Variants in RERE observed in about 807,000 individuals in gnomAD.
RERE encodes the protein arginine-glutamic acid dipeptide repeats protein.
Under a neutral mutation model 146.1 loss-of-function variants are expected in RERE, and 40 were observed. The ratio of observed to expected loss-of-function variants is 0.27; its 90% CI spans 0.21 to 0.36. The LOEUF is 0.36. RERE is among the 10% of genes least tolerant of loss of function. The probability of loss-of-function intolerance (pLI) is 1.00; values close to 1 mark genes in which losing one functional copy is unlikely to be tolerated. For synonymous variants in RERE, 1,003 were observed against 866.0 expected (o/e 1.16, Z -2.78); for missense variants, 1,933 against 2,138.7 (o/e 0.90, Z 1.90).
intron 4 of RERE, among the ~76,000 whole-genome samples, chr1:8,575,515 C>T (rs1466042414): frequency 6.9e-6 from 1 of 145,720 alleles, no homozygotes; most frequent in Non-Finnish European, 1.5e-5. Context: ...AGGCCTGTGC[C>T]ACCACACCTG....
At chr1:8,627,386 C>G (rs1646986997) in intron 2 of RERE, among the ~76,000 whole-genome samples, 1 of 151,998 alleles carries the variant, frequency 6.6e-6, no homozygotes, top group Non-Finnish European at 1.5e-5. Context: ...AGGTGGATCA[C>G]CTGAGGTCAG....
At chr1:8,525,998 C>T in intron 7 of RERE, 1 of 1,302,354 alleles carries the variant, frequency 7.7e-7, no homozygotes, top group South Asian at 2.2e-5. Context: ...GTGCTGTGAC[C>T]CTCCCTCATC....
intron 4 of RERE, among the ~76,000 whole-genome samples, chr1:8,608,374 T>C (rs1288798929): frequency 6.6e-6 from 1 of 152,070 alleles, no homozygotes; most frequent in Middle Eastern, 3.2e-3. Context: ...TTAGGTAGCA[T>C]ACACCTATAG....
Position 8,495,093 on chromosome 1 carries a change from C to A in RERE, c.1074G>T (p.Arg358=), listed in dbSNP as rs750108399. 6.8e-6 allele frequency: 11 copies of A among 1,613,678 alleles called. No individual in the cohort carries two copies. In the South Asian group the frequency reaches 1.1e-4, roughly 16 times the overall value. Residue 358 remains arginine, a synonymous_variant, in exon 10 of 23, where the codon CGG becomes CGT. Transcript: ENST00000400908. ...TCAGTGCATTCAGAGTGGTGTCATC[C>A]CGAGAGGCTGCGACACAGCCGTCCT... ...STEDGCVAAS[R]DDTTLNALNT... is the part of the protein sequence containing the mutation.
rs1320714042 is a variant in RERE, at chr1:8,358,553, C to T, written c.3982G>A (p.Glu1328Lys). Residue 1328 changes from glutamate (E) to lysine (K), a missense_variant, in exon 20 of 23, where the codon GAG (glutamate) becomes AAG (lysine). Transcript: ENST00000400908. ...GGGTCCAGCTCTGGGGGCTTCACCT[C>T]GAAGCCCGGCTTCATCCTCTCCCGC... ...ELRERMKPGF[E>K]VKPPELDPLH... is the part of the protein sequence containing the mutation. The T allele has an allele frequency of 3.7e-6, 6 of 1,604,246 alleles. No individual in the cohort carries two copies. The highest frequency in any genetic ancestry group is 1.1e-5 in the South Asian group (1 of 89,342).
intron 8 of RERE, among the ~76,000 whole-genome samples, chr1:8,503,493 G>A (rs1426255162): frequency 6.6e-6 from 1 of 151,984 alleles, no homozygotes; most frequent in Non-Finnish European, 1.5e-5. Flanking sequence ...TATTAATAGG[G>A]ATCAGATGAA....
At chr1:8,742,023 A>T (rs1443583998) in intron 1 of RERE, among the ~76,000 whole-genome samples, 1 of 152,220 alleles carries the variant, frequency 6.6e-6, no homozygotes, top group African/African-American at 2.4e-5. Flanking sequence ...ATTTCAGTAT[A>T]TTGTATGCAG....
intron 12 of RERE, among the ~76,000 whole-genome samples, chr1:8,379,975 C>T (rs957493948): frequency 6.6e-6 from 1 of 152,226 alleles, no homozygotes; most frequent in Non-Finnish European, 1.5e-5. Context: ...ATCCTGGCCG[C>T]TCCTGTTCTG....
At chr1:8,524,057 G>A (rs900340799) in intron 7 of RERE, among the ~76,000 whole-genome samples, 3 of 152,116 alleles carry the variant, frequency 2.0e-5, no homozygotes, top group African/African-American at 7.2e-5. Context: ...AGTTCCTCTC[G>A]TCTATTGAAG....
At chr1:8,720,423 G>A (rs986006836) in intron 1 of RERE, among the ~76,000 whole-genome samples, 3 of 152,008 alleles carry the variant, frequency 2.0e-5, no homozygotes, top group African/African-American at 7.2e-5. Flanking sequence ...ATATTCAAAG[G>A]CAGTAAGTGC....
At chr1:8,722,706 C>T (rs927187405) in intron 1 of RERE, among the ~76,000 whole-genome samples, 1 of 152,204 alleles carries the variant, frequency 6.6e-6, no homozygotes, top group African/African-American at 2.4e-5. Context: ...ATGGCCTTTA[C>T]ATTGCACTGA....
chr1:8,727,211 C>T (rs1639989568), intron 1 of RERE, among the ~76,000 whole-genome samples: 1 of 152,116 alleles, frequency 6.6e-6, no homozygotes, highest in Admixed American at 6.5e-5. Flanking sequence ...GGCGCGATCT[C>T]GGCTCACTAC....
intron 4 of RERE, among the ~76,000 whole-genome samples, chr1:8,572,593 A>G (rs140749605): frequency 6.6e-6 from 1 of 152,358 alleles, no homozygotes; most frequent in East Asian, 1.9e-4. Flanking sequence ...TCTGAGATAT[A>G]CTTTCCTCAA....
chr1:8,362,671 C>T lies in RERE; in HGVS notation c.1902+12G>A. The T allele has an allele frequency of 6.2e-7, 1 of 1,614,202 alleles. No individual in the cohort carries two copies. The highest frequency in any genetic ancestry group is 8.5e-7 in the Non-Finnish European group (1 of 1,180,032). ...GGACAGAGTAGGCCCTACTATCCCC[C>T]CAGCACCTGACCTTGGCCGACTTCT... On this transcript the variant is annotated intron_variant, in intron 16 of 22. Transcript: ENST00000400908.
At chr1:8,535,513 A>C (rs1645713094) in intron 7 of RERE, among the ~76,000 whole-genome samples, 1 of 152,264 alleles carries the variant, frequency 6.6e-6, no homozygotes, top group African/African-American at 2.4e-5. Flanking sequence ...CAAATGATTC[A>C]GTTAATAAAG....
chr1:8,798,588 G>T, intron 1 of RERE: 1 of 220,034 alleles, frequency 4.5e-6, no homozygotes. Context: ...ACCTCAGATC[G>T]CCCTTACAGC....
chr1:8,640,076 C>T lies in RERE; in HGVS notation c.326-15696G>A, dbSNP rs141726569. Among the ~76,000 whole-genome samples the T allele has an allele frequency of 3.5e-4, 53 of 152,096 alleles. 1 individual carries two copies. The highest frequency in any genetic ancestry group is 1.0e-3 in the South Asian group (5 of 4,820). On this transcript the variant is annotated intron_variant, in intron 2 of 22. Transcript: ENST00000400908. ...GCTGAAGTGGGGAGGACTGCTTGAG[C>T]CTGGGAGGTGGAGGGTACAGTGAGC...
At chr1:8,722,365 C>G (rs1480327339) in intron 1 of RERE, among the ~76,000 whole-genome samples, 2 of 152,198 alleles carry the variant, frequency 1.3e-5, no homozygotes, top group Non-Finnish European at 2.9e-5. Context: ...ACTATAATGA[C>G]AGCGATACTA....
chr1:8,433,513 A>T (rs1644123314), intron 11 of RERE, among the ~76,000 whole-genome samples: 1 of 151,244 alleles, frequency 6.6e-6, no homozygotes, highest in Admixed American at 6.6e-5. Context: ...TTACAACAGG[A>T]TCCCAAATCC....
Sources: allele counts gnomAD v4.1 joint callset (sites outside exome capture counted in the v4.1 genomes callset), GRCh38; gene constraint gnomAD v4.1.1; transcripts MANE v1.5; gene names NCBI Gene and HGNC (gene_info 2026-07-23, HGNC 2026-07-21).